The following CENPW variants were observed in gnomAD, a reference collection of about 807,000 sequenced individuals.
CENPW encodes the protein cancer-up-regulated gene 2 protein.
Under a neutral mutation model 11.1 loss-of-function variants are expected in CENPW, and 3 were observed. The observed-to-expected ratio is 0.27, with a 90% CI of 0.12 to 0.70. The LOEUF is 0.70. CENPW is among the 30% of genes least tolerant of loss of function. CENPW has a pLI of 0.77. For missense variants in CENPW, 100 were observed against 105.6 expected (o/e 0.95, Z 0.23); for synonymous variants, 38 against 42.0 (o/e 0.91, Z 0.37).
chr6:126,423,164 T>C, the CENPW span, among the ~76,000 whole-genome samples: 56 of 152,264 alleles, frequency 3.7e-4, no homozygotes, highest in Middle Eastern at 3.4e-3. Context: ...TGTAGAATTT[T>C]TTTTTTAATC....
At chr6:126,455,446 A>G in the CENPW span, among the ~76,000 whole-genome samples, 3 of 151,508 alleles carry the variant, frequency 2.0e-5, no homozygotes, top group East Asian at 3.9e-4. Context: ...AATTAATCAC[A>G]TAACAGAACT....
the CENPW span, among the ~76,000 whole-genome samples, chr6:126,422,880 G>A: frequency 1.3e-5 from 2 of 152,014 alleles, no homozygotes; most frequent in African/African-American, 2.4e-5. Flanking sequence ...ATTAAAGCAC[G>A]CCTGTAGAAT....
the CENPW span, among the ~76,000 whole-genome samples, chr6:126,380,488 T>G: frequency 6.6e-6 from 1 of 152,184 alleles, no homozygotes; most frequent in South Asian, 2.1e-4. Context: ...TGGCAGAGGG[T>G]TTCCCTGTGC....
chr6:126,356,514 ATGTTT>A, the CENPW span, among the ~76,000 whole-genome samples: 5 of 152,172 alleles, frequency 3.3e-5, no homozygotes, highest in Non-Finnish European at 5.9e-5. Flanking sequence ...GAATATAATT[ATGTTT>A]TGTTAACAGT....
the CENPW span, among the ~76,000 whole-genome samples, chr6:126,438,288 A>G: frequency 2.6e-5 from 4 of 151,740 alleles, no homozygotes; most frequent in Non-Finnish European, 5.9e-5. Context: ...AGAAACATAT[A>G]TGAAGTATTT....
the CENPW span, among the ~76,000 whole-genome samples, chr6:126,451,192 C>A: frequency 6.6e-6 from 1 of 150,890 alleles, no homozygotes; most frequent in Admixed American, 6.6e-5. Context: ...TTAATGGATT[C>A]TGCTTTGGGG....
chr6:126,395,616 T>G, the CENPW span, among the ~76,000 whole-genome samples: 1 of 152,172 alleles, frequency 6.6e-6, no homozygotes, highest in Admixed American at 6.5e-5. Context: ...TTTATATCTG[T>G]ACACTGAAGA....
the CENPW span, among the ~76,000 whole-genome samples, chr6:126,374,801 T>C: frequency 2.0e-5 from 3 of 152,298 alleles, no homozygotes; most frequent in Admixed American, 2.0e-4. Context: ...CCTTTGTTGA[T>C]TACTAGCTAT....
chr6:126,421,570 T>A, the CENPW span, among the ~76,000 whole-genome samples: 1 of 141,536 alleles, frequency 7.1e-6, no homozygotes, highest in African/African-American at 2.5e-5. Context: ...ATAGCACCTT[T>A]TCTAACACTT....
At chr6:126,469,833 G>A in the CENPW span, among the ~76,000 whole-genome samples, 2 of 152,204 alleles carry the variant, frequency 1.3e-5, no homozygotes, top group Non-Finnish European at 2.9e-5. Flanking sequence ...ACTTGAGGGA[G>A]GTGATTTAGA....
chr6:126,464,601 A>G, the CENPW span, among the ~76,000 whole-genome samples: 2 of 152,148 alleles, frequency 1.3e-5, no homozygotes, highest in East Asian at 3.9e-4. Context: ...CTCGAACATC[A>G]GACTCCAAGT....
At chr6:126,351,348 A>T (rs970718252), downstream of CENPW, among the ~76,000 whole-genome samples, 4 of 152,162 alleles carry the variant, frequency 2.6e-5, no homozygotes, top group Non-Finnish European at 5.9e-5. Flanking sequence ...GTTTTGGTAA[A>T]AAATTATAAC....
chr6:126,459,511 C>A, the CENPW span, among the ~76,000 whole-genome samples: 1 of 151,406 alleles, frequency 6.6e-6, no homozygotes, highest in South Asian at 2.1e-4. Context: ...GTTTACCTTA[C>A]AAAAGGATTT....
the CENPW span, among the ~76,000 whole-genome samples, chr6:126,361,133 T>A: frequency 6.6e-6 from 1 of 152,280 alleles, no homozygotes; most frequent in Non-Finnish European, 1.5e-5. Flanking sequence ...GTATGGGATT[T>A]TTATTTGTGG....
the CENPW span, among the ~76,000 whole-genome samples, chr6:126,441,130 G>A: frequency 6.6e-6 from 1 of 151,372 alleles, no homozygotes; most frequent in Non-Finnish European, 1.5e-5. Flanking sequence ...GAGCAGTAGT[G>A]GTTATGTAAA....
chr6:126,398,314 T>C, the CENPW span, among the ~76,000 whole-genome samples: 11 of 152,198 alleles, frequency 7.2e-5, no homozygotes, highest in African/African-American at 1.2e-4. Context: ...ATCCTTAGCA[T>C]CATGCCTAGT....
the CENPW span, among the ~76,000 whole-genome samples, chr6:126,397,418 G>C: frequency 6.6e-6 from 1 of 152,176 alleles, no homozygotes. Flanking sequence ...ACACCATGTG[G>C]CTGGTGCCAG....
At chr6:126,410,657 G>A in the CENPW span, among the ~76,000 whole-genome samples, 1 of 151,316 alleles carries the variant, frequency 6.6e-6, no homozygotes, top group Non-Finnish European at 1.5e-5. Context: ...GCTTAAGGAT[G>A]TCCTGTAAGT....
the CENPW span, among the ~76,000 whole-genome samples, chr6:126,451,107 C>T: frequency 6.6e-6 from 1 of 150,910 alleles, no homozygotes; most frequent in Non-Finnish European, 1.5e-5. Context: ...AGTGCACCAA[C>T]TTTGAATGGG....
Sources: gnomAD v4.1 joint callset for allele counts (sites outside exome capture counted in the v4.1 genomes callset) on GRCh38, gnomAD v4.1.1 for gene constraint, MANE v1.5 for transcripts, NCBI Gene and HGNC (gene_info 2026-07-23, HGNC 2026-07-21) for gene names.